ZNF385B: variants seen among roughly 807,000 people sequenced by gnomAD.
ZNF385B encodes zinc finger protein 533.
A neutral mutation model predicts 39.2 loss-of-function variants in ZNF385B; 23 were observed. The ratio of observed to expected loss-of-function variants is 0.59; its 90% CI spans 0.42 to 0.83. ZNF385B has a LOEUF of 0.83. Ranked by LOEUF, ZNF385B falls within the 40% of genes least tolerant of loss-of-function variation. ZNF385B has a pLI of 0.00. For synonymous variants in ZNF385B, 205 were observed against 222.6 expected, an observed-to-expected ratio of 0.92 and a Z score of 0.70; for missense variants, 552 against 598.9, an observed-to-expected ratio of 0.92 and a Z score of 0.82.
chr2:179,687,131 T>C (rs1697984609), intron 3 of ZNF385B, among the ~76,000 whole-genome samples: 2 of 151,686 alleles, frequency 1.3e-5, no homozygotes, highest in Admixed American at 6.6e-5. Context: ...GACTAAGAGC[T>C]GTCAAGAATA....
chr2:179,605,354 T>C (rs1220559538), intron 3 of ZNF385B, among the ~76,000 whole-genome samples: 1 of 152,158 alleles, frequency 6.6e-6, no homozygotes, highest in East Asian at 1.9e-4. Flanking sequence ...GCCTGAAATA[T>C]CTACAAACTT....
intron 3 of ZNF385B, among the ~76,000 whole-genome samples, chr2:179,760,991 GA>G (rs1239370794): frequency 4.6e-5 from 7 of 152,120 alleles, no homozygotes; most frequent in African/African-American, 1.4e-4. Context: ...ACCATTTGTT[GA>G]AAAGGTATTC....
chr2:179,644,193 T>C (rs1360657472), intron 3 of ZNF385B, among the ~76,000 whole-genome samples: 7 of 152,148 alleles, frequency 4.6e-5, no homozygotes, highest in African/African-American at 1.7e-4. Flanking sequence ...CTATCATCAC[T>C]TCAAAATATC....
chr2:179,572,068 G>T (rs565287588), intron 3 of ZNF385B, among the ~76,000 whole-genome samples: 1 of 152,208 alleles, frequency 6.6e-6, no homozygotes, highest in South Asian at 2.1e-4. Flanking sequence ...GTAGTTGGAG[G>T]TTGGCAGTGA....
intron 3 of ZNF385B, among the ~76,000 whole-genome samples, chr2:179,763,135 C>T (rs1703498643): frequency 1.3e-5 from 2 of 152,144 alleles, no homozygotes; most frequent in Non-Finnish European, 2.9e-5. Flanking sequence ...AACACCTGAC[C>T]TCAAGTGATC....
At chr2:179,760,466 T>C (rs1023667056) in intron 3 of ZNF385B, among the ~76,000 whole-genome samples, 2 of 152,190 alleles carry the variant, frequency 1.3e-5, no homozygotes, top group African/African-American at 4.8e-5. Flanking sequence ...CCACTCAGTA[T>C]AATTCCCTGA....
chr2:179,776,478 C>T (rs1242248209), intron 1 of ZNF385B, among the ~76,000 whole-genome samples: 1 of 152,094 alleles, frequency 6.6e-6, no homozygotes, highest in Non-Finnish European at 1.5e-5. Flanking sequence ...TCAGGGAACC[C>T]CCATATCTAT....
At chr2:179,601,628 C>T (rs1006070368) in intron 3 of ZNF385B, among the ~76,000 whole-genome samples, 1 of 152,136 alleles carries the variant, frequency 6.6e-6, no homozygotes, top group African/African-American at 2.4e-5. Flanking sequence ...TTTCAAATTA[C>T]AGTTACCACT....
chr2:179,696,512 A>G (rs775734304), intron 3 of ZNF385B, among the ~76,000 whole-genome samples: 109 of 152,036 alleles, frequency 7.2e-4, no homozygotes, highest in Non-Finnish European at 1.3e-3. Flanking sequence ...AAAACAATAT[A>G]TCCTAATGAA....
intron 3 of ZNF385B, among the ~76,000 whole-genome samples, chr2:179,703,368 A>G (rs2106368797): frequency 6.6e-6 from 1 of 152,244 alleles, no homozygotes; most frequent in East Asian, 1.9e-4. Context: ...CTTAACTATC[A>G]ACCCCACTCT....
chr2:179,508,715 G>C lies in ZNF385B; in HGVS notation c.552+9813C>G, dbSNP rs538267940. Among the ~76,000 whole-genome samples, 110 of 152,302 alleles carry C rather than the reference G, an allele frequency of 7.2e-4. 1 individual carries two copies. Among genetic ancestry groups the C allele is most frequent in the African/African-American group, 2.6e-3 (107 of 41,566 alleles). ...AGACTGTATTATAATAAGTGAGGGT[G>C]AGTATTGCTACTTTCCTAGTAATGT... On this transcript the variant is annotated intron_variant, in intron 5 of 9. Transcript: ENST00000410066.
intron 3 of ZNF385B, among the ~76,000 whole-genome samples, chr2:179,651,634 T>A (rs1693201890): frequency 6.6e-6 from 1 of 152,144 alleles, no homozygotes; most frequent in African/African-American, 2.4e-5. Context: ...AAAAATATTT[T>A]AAAAATAAAA....
chr2:179,502,762 T>C (rs193174617), intron 5 of ZNF385B, among the ~76,000 whole-genome samples: 1 of 151,958 alleles, frequency 6.6e-6, no homozygotes, highest in African/African-American at 2.4e-5. Flanking sequence ...ATCCAGGGAG[T>C]GTCTTCATTG....
At chr2:179,748,474 G>A (rs1702503736) in intron 3 of ZNF385B, among the ~76,000 whole-genome samples, 1 of 151,972 alleles carries the variant, frequency 6.6e-6, no homozygotes, top group Non-Finnish European at 1.5e-5. Flanking sequence ...GTACCCAAAA[G>A]CAAAATATCC....
chr2:179,497,733 A>G (rs1202965943), intron 5 of ZNF385B, among the ~76,000 whole-genome samples: 2 of 152,074 alleles, frequency 1.3e-5, no homozygotes, highest in Non-Finnish European at 2.9e-5. Context: ...ATAACATTGA[A>G]TGTAAATACA....
chr2:179,708,813 A>G (rs962488471), intron 3 of ZNF385B, among the ~76,000 whole-genome samples: 20 of 152,190 alleles, frequency 1.3e-4, no homozygotes, highest in African/African-American at 4.8e-4. Context: ...GGCATGATGG[A>G]ATCACAAGGA....
At chr2:179,720,208 A>C (rs1700593909) in intron 3 of ZNF385B, among the ~76,000 whole-genome samples, 1 of 152,132 alleles carries the variant, frequency 6.6e-6, no homozygotes, top group Non-Finnish European at 1.5e-5. Flanking sequence ...CAACAATTTA[A>C]AATAGTGATA....
intron 3 of ZNF385B, among the ~76,000 whole-genome samples, chr2:179,675,669 T>C (rs929387274): frequency 2.6e-5 from 4 of 152,102 alleles, no homozygotes; most frequent in Admixed American, 6.5e-5. Context: ...GGGCCTGAAC[T>C]GGTATGAGAA....
intron 1 of ZNF385B, among the ~76,000 whole-genome samples, chr2:179,804,955 C>T (rs1706257585): frequency 1.3e-5 from 2 of 152,178 alleles, no homozygotes; most frequent in South Asian, 4.1e-4. Context: ...TCTAGAGGGG[C>T]TTCCAACAAT....
Sources: allele counts gnomAD v4.1 joint callset (sites outside exome capture counted in the v4.1 genomes callset), GRCh38; gene constraint gnomAD v4.1.1; transcripts MANE v1.5; gene names NCBI Gene and HGNC (gene_info 2026-07-23, HGNC 2026-07-21).